ARID2: variants seen among roughly 807,000 people sequenced by gnomAD.
ARID2 encodes AT-rich interactive domain-containing protein 2.
ARID2 carries 32 observed loss-of-function variants against 184.6 expected under a neutral mutation model. That is an observed-to-expected ratio of 0.17 (90% CI 0.13 to 0.23). The LOEUF is 0.23. ARID2 is among the 10% of genes least tolerant of loss of function. The pLI is 1.00. For missense variants in ARID2, 1,696 were observed against 2,197.6 expected (o/e 0.77, Z 4.56); for synonymous variants, 836 against 772.6 (o/e 1.08, Z -1.36).
chr12:45,816,568 C>A (rs1942805841), intron 4 of ARID2, among the ~76,000 whole-genome samples: 1 of 152,164 alleles, frequency 6.6e-6, no homozygotes, highest in Non-Finnish European at 1.5e-5. Flanking sequence ...AATCCCACTT[C>A]TAGGTATTTA....
chr12:45,894,379 T>C (rs1480166722), intron 20 of ARID2, among the ~76,000 whole-genome samples: 1 of 152,230 alleles, frequency 6.6e-6, no homozygotes, highest in Non-Finnish European at 1.5e-5. Context: ...GTGTTCCTGA[T>C]AGTCACTTTC....
intron 10 of ARID2, 139 bp from the exon 11 acceptor site, chr12:45,839,190 C>T: frequency 1.2e-6 from 1 of 855,722 alleles, no homozygotes; most frequent in Non-Finnish European, 1.7e-6. Context: ...TAAAGATGCA[C>T]AGGTAATTCT....
chr12:45,886,704 T>A (rs910468534), intron 16 of ARID2, among the ~76,000 whole-genome samples: 1 of 152,216 alleles, frequency 6.6e-6, no homozygotes, highest in Non-Finnish European at 1.5e-5. Flanking sequence ...ATTTTTGATT[T>A]TTATGTACCC....
At chr12:45,730,220 G>A (rs1158226581) in intron 2 of ARID2, 83 bp downstream of exon 2, 1 of 1,405,154 alleles carries the variant, frequency 7.1e-7, no homozygotes, top group African/African-American at 1.5e-5. Flanking sequence ...GGCGCTTGGG[G>A]CTGGGGGGGT....
In ARID2 at chr12:45,850,106, T is replaced by A. The variant is rs1432314284; in HGVS notation, c.1983T>A (p.Asn661Lys). ...CTCCTGTTGCCAACCAATCTTCAAA[T>A]CTGACTGCAACACAAATGTCTTTTC... Reference protein sequence around the residue: ...QRTPVANQSSNLTATQMSFPV... With the variant: ...QRTPVANQSSKLTATQMSFPV... The change falls in exon 15 of 21, where the codon AAT (asparagine) becomes AAA (lysine). Residue 661 changes from asparagine (N) to lysine (K), a missense_variant. Transcript: ENST00000334344. 6.2e-7 allele frequency: 1 copy of A among 1,614,068 alleles called. No homozygotes were observed. Among genetic ancestry groups the A allele is most frequent in the Admixed American group, 1.7e-5 (1 of 60,016 alleles).
Position 45,850,772 on chromosome 12 carries a change from C to T in ARID2, c.2649C>T (p.Val883=), listed in dbSNP as rs1410090484. Residue 883 remains valine (V), a synonymous_variant, in exon 15 of 21, where the codon GTC becomes GTT. Coordinates refer to ENST00000334344, the MANE Select transcript of ARID2 (RefSeq NM_152641.4). ...ATGQMVTIAG[V]PSPQASRVGF... ...GACAAATGGTTACTATTGCTGGTGT[C>T]CCAAGTCCACAAGCCTCAAGGGTAG... 16 of 1,613,982 alleles carry T rather than the reference C, an allele frequency of 9.9e-6. No individual in the cohort carries two copies. Among genetic ancestry groups the T allele is most frequent in the Non-Finnish European group, 1.4e-5 (16 of 1,180,008 alleles).
intron 20 of ARID2, among the ~76,000 whole-genome samples, chr12:45,897,875 C>T (rs1944390256): frequency 6.6e-6 from 1 of 151,704 alleles, no homozygotes; most frequent in African/African-American, 2.4e-5. Context: ...GACGGGGTCT[C>T]ACTCAGTTGC....
chr12:45,737,488 AT>A (rs1170587057), intron 3 of ARID2, among the ~76,000 whole-genome samples: 1 of 151,294 alleles, frequency 6.6e-6, no homozygotes, highest in East Asian at 1.9e-4. Context: ...CCTCATACAT[AT>A]TTGCTGAAAA....
At position 45,907,397 on chromosome 12, in the gene ARID2, A is replaced by C. The variant is rs986711595; in HGVS notation, c.*2319A>C. 26 of 233,308 alleles carry C rather than the reference A, an allele frequency of 1.1e-4. No homozygotes were observed. The highest frequency in any genetic ancestry group is 1.2e-3 in the Middle Eastern group (1 of 808). 14.5% of individuals were successfully genotyped at this position (233,308 alleles called of 1,614,324 possible). A position where few individuals can be genotyped will look rare whatever the true frequency, so the allele number is the denominator to read the frequency against. On this transcript the variant is annotated 3_prime_UTR_variant, in exon 21 of 21. Transcript: ENST00000334344. ...CTGCAGGTTTAGAAAAATGGTTTTCATATTCACCATTCTTCCACCTCATTG... is the reference window on the plus strand; with the variant it reads ...CTGCAGGTTTAGAAAAATGGTTTTCCTATTCACCATTCTTCCACCTCATTG...
At chr12:45,889,621 A>G (rs964162465) in intron 16 of ARID2, among the ~76,000 whole-genome samples, 2 of 152,218 alleles carry the variant, frequency 1.3e-5, no homozygotes, top group African/African-American at 4.8e-5. Flanking sequence ...TAACTCTCCA[A>G]TATTACACGT....
At chr12:45,820,643 A>G (rs775021293) in intron 5 of ARID2, among the ~76,000 whole-genome samples, 25 of 152,184 alleles carry the variant, frequency 1.6e-4, no homozygotes, top group Non-Finnish European at 2.8e-4. Context: ...GATTCACTTA[A>G]TTTTTAAGGG....
At chr12:45,788,019 A>G (rs558290182) in intron 3 of ARID2, among the ~76,000 whole-genome samples, 11 of 152,192 alleles carry the variant, frequency 7.2e-5, no homozygotes, top group Non-Finnish European at 1.6e-4. Flanking sequence ...GTCGTTTACA[A>G]CATACTGTTT....
chr12:45,774,438 G>T (rs1040170930), intron 3 of ARID2, among the ~76,000 whole-genome samples: 1 of 152,228 alleles, frequency 6.6e-6, no homozygotes, highest in South Asian at 2.1e-4. Context: ...AAGATCATTT[G>T]TATGCGTCTC....
intron 10 of ARID2, among the ~76,000 whole-genome samples, chr12:45,838,697 G>A (rs943752563): frequency 6.6e-6 from 1 of 151,914 alleles, no homozygotes; most frequent in Admixed American, 6.6e-5. Context: ...AGCCTGGGAG[G>A]TTGAGGCTGC....
At chr12:45,821,703 G>A (rs1401102501) in intron 6 of ARID2, among the ~76,000 whole-genome samples, 1 of 152,142 alleles carries the variant, frequency 6.6e-6, no homozygotes, top group African/African-American at 2.4e-5. Context: ...ATTGATTTCT[G>A]TGAATAGTAA....
chr12:45,838,032 A>C (rs1565615915), intron 10 of ARID2, among the ~76,000 whole-genome samples: 1 of 152,234 alleles, frequency 6.6e-6, no homozygotes, highest in Non-Finnish European at 1.5e-5. Flanking sequence ...TTACATGGCT[A>C]TCAGTAATTC....
chr12:45,799,865 C>T (rs61925776), intron 3 of ARID2, among the ~76,000 whole-genome samples: 1 of 151,938 alleles, frequency 6.6e-6, no homozygotes, highest in African/African-American at 2.4e-5. Flanking sequence ...TTTTTTTCCC[C>T]TTCAGACAAG....
chr12:45,869,224 C>A (rs1307975282), intron 16 of ARID2, among the ~76,000 whole-genome samples: 1 of 152,062 alleles, frequency 6.6e-6, no homozygotes, highest in Non-Finnish European at 1.5e-5. Context: ...ACCATATTGG[C>A]CAGGCTGGTC....
At chr12:45,849,867 C>T in intron 14 of ARID2, 91 bp downstream of exon 14, 2 of 1,411,834 alleles carry the variant, frequency 1.4e-6, no homozygotes, top group Non-Finnish European at 1.9e-6. Flanking sequence ...AAATGTATAA[C>T]TTTTGTGTCT....
Sources: allele counts gnomAD v4.1 joint callset (sites outside exome capture counted in the v4.1 genomes callset), GRCh38; gene constraint gnomAD v4.1.1; transcripts MANE v1.5; gene names NCBI Gene and HGNC (gene_info 2026-07-23, HGNC 2026-07-21).